The following REDIC1 variants were observed in gnomAD, a reference collection of about 807,000 sequenced individuals.
The protein encoded by REDIC1 is HEI10 Interacting Protein 1.
the REDIC1 span, among the ~76,000 whole-genome samples, chr12:39,687,036 A>C: frequency 6.6e-6 from 1 of 152,304 alleles, no homozygotes; most frequent in Admixed American, 6.5e-5. Flanking sequence ...TTTGTATCTG[A>C]GACCTCCTCA....
chr12:39,635,455 A>G, the REDIC1 span, among the ~76,000 whole-genome samples: 1 of 152,214 alleles, frequency 6.6e-6, no homozygotes, highest in Non-Finnish European at 1.5e-5. Flanking sequence ...ATGGAATACT[A>G]TGCAGCCATA....
chr12:39,713,988 C>T, the REDIC1 span, among the ~76,000 whole-genome samples: 175 of 120,616 alleles, frequency 1.5e-3, 1 homozygote, highest in South Asian at 9.8e-3. Flanking sequence ...CGTATATATA[C>T]ATGTATGTAC....
the REDIC1 span, among the ~76,000 whole-genome samples, chr12:39,662,960 A>G: frequency 1.3e-5 from 2 of 152,104 alleles, no homozygotes; most frequent in African/African-American, 4.8e-5. Context: ...CCATTCTTAT[A>G]TCCCTAGGAT....
the REDIC1 span, among the ~76,000 whole-genome samples, chr12:39,837,385 C>T: frequency 7.4e-6 from 1 of 135,880 alleles, no homozygotes; most frequent in Non-Finnish European, 1.6e-5. Context: ...ACCATAAAAA[C>T]CCTAGAAGAA....
chr12:39,735,138 G>A, the REDIC1 span, among the ~76,000 whole-genome samples: 1 of 152,146 alleles, frequency 6.6e-6, no homozygotes, highest in East Asian at 1.9e-4. Flanking sequence ...GGAGTGATGT[G>A]CTACCATATC....
At chr12:39,823,177 A>T in the REDIC1 span, among the ~76,000 whole-genome samples, 1 of 152,226 alleles carries the variant, frequency 6.6e-6, no homozygotes, top group South Asian at 2.1e-4. Flanking sequence ...AACATAAAAA[A>T]GTATAATTTT....
At chr12:39,805,535 A>T in the REDIC1 span, among the ~76,000 whole-genome samples, 1 of 150,970 alleles carries the variant, frequency 6.6e-6, no homozygotes, top group African/African-American at 2.4e-5. Flanking sequence ...TTCCCCAGAG[A>T]CTTTATTCCC....
the REDIC1 span, chr12:39,754,223 A>T: frequency 6.6e-6 from 1 of 152,112 alleles, no homozygotes; most frequent in African/African-American, 2.4e-5. Context: ...AAGTTTTAGT[A>T]CCTGGAAAAG....
the REDIC1 span, among the ~76,000 whole-genome samples, chr12:39,894,798 A>C: frequency 6.6e-6 from 1 of 152,194 alleles, no homozygotes; most frequent in South Asian, 2.1e-4. Context: ...TTAGGGAATA[A>C]AGCAGGGAGA....
chr12:39,767,741 A>G, the REDIC1 span, among the ~76,000 whole-genome samples: 3 of 152,082 alleles, frequency 2.0e-5, no homozygotes, highest in African/African-American at 7.2e-5. Context: ...GTGGGAGGTA[A>G]TTGAATCACG....
the REDIC1 span, among the ~76,000 whole-genome samples, chr12:39,826,854 ATTTTT>A: frequency 1.5e-5 from 1 of 67,416 alleles, no homozygotes; most frequent in African/African-American, 7.0e-5. Flanking sequence ...GTCTCTTTCA[ATTTTT>A]TTTTTTTTTT....
chr12:39,779,983 AT>A, the REDIC1 span, among the ~76,000 whole-genome samples: 1 of 152,192 alleles, frequency 6.6e-6, no homozygotes, highest in Non-Finnish European at 1.5e-5. Flanking sequence ...TTTTCAATCC[AT>A]TTTATAGCTG....
At chr12:39,888,043 C>G in the REDIC1 span, among the ~76,000 whole-genome samples, 1 of 152,146 alleles carries the variant, frequency 6.6e-6, no homozygotes, top group African/African-American at 2.4e-5. Context: ...ACTGATCTGG[C>G]AGATATCAAC....
the REDIC1 span, among the ~76,000 whole-genome samples, chr12:39,711,516 T>C: frequency 3.7e-5 from 5 of 134,844 alleles, no homozygotes; most frequent in Non-Finnish European, 6.2e-5. Flanking sequence ...TATGTGTATA[T>C]ATGTGTATAT....
the REDIC1 span, among the ~76,000 whole-genome samples, chr12:39,672,667 A>G: frequency 6.6e-6 from 1 of 152,164 alleles, no homozygotes; most frequent in Middle Eastern, 3.4e-3. Context: ...GGTGTGCTAC[A>G]CCACCTTTTC....
At chr12:39,662,713 T>TA in the REDIC1 span, among the ~76,000 whole-genome samples, 1 of 152,082 alleles carries the variant, frequency 6.6e-6, no homozygotes, top group Non-Finnish European at 1.5e-5. Context: ...TTCTAGTTCT[T>TA]AAAAGAAAGG....
the REDIC1 span, among the ~76,000 whole-genome samples, chr12:39,639,925 G>T: frequency 6.6e-6 from 1 of 151,830 alleles, no homozygotes; most frequent in Non-Finnish European, 1.5e-5. Context: ...ATACTGTCAT[G>T]AATATTTTAT....
At chr12:39,696,542 CAAAAAAAAAAAAAAAAAAAAAA>C in the REDIC1 span, among the ~76,000 whole-genome samples, 8 of 11,062 alleles carry the variant, frequency 7.2e-4, no homozygotes, top group South Asian at 0.011. Context: ...GACTCTGTCT[CAAAAAAAAAAAAAAAAAAAAAA>C]AAAAAAAAAA....
chr12:39,893,887 T>C, the REDIC1 span, among the ~76,000 whole-genome samples: 2 of 152,194 alleles, frequency 1.3e-5, no homozygotes, highest in African/African-American at 2.4e-5. Context: ...CCATATGAAA[T>C]TGAAAAAGTA....
Sources: allele counts gnomAD v4.1 joint callset (sites outside exome capture counted in the v4.1 genomes callset), GRCh38; gene constraint gnomAD v4.1.1; transcripts MANE v1.5; gene names NCBI Gene and HGNC (gene_info 2026-07-23, HGNC 2026-07-21).